CHMP1A: variants seen among roughly 807,000 people sequenced by gnomAD.
CHMP1A encodes charged multivesicular body protein 1A, also known as VPS46 homolog A.
Under a neutral mutation model 27.0 loss-of-function variants are expected in CHMP1A, and 17 were observed. That is an observed-to-expected ratio of 0.63 (90% CI 0.43 to 0.95). The LOEUF is 0.95. Among genes scored for constraint, CHMP1A ranks in the 40% least tolerant of loss-of-function variants. The pLI is 0.00. For missense variants in CHMP1A, 275 were observed against 264.0 expected (o/e 1.04, Z -0.29); for synonymous variants, 131 against 107.5 (o/e 1.22, Z -1.35).
intron 4 of CHMP1A, 111 bp from the exon 5 acceptor site, chr16:89,647,442 A>G: frequency 1.0e-6 from 1 of 961,796 alleles, no homozygotes; most frequent in Non-Finnish European, 1.5e-6. Context: ...CCCAACCCTG[A>G]CCCACAAAAC....
chr16:89,645,600 AC>A lies in CHMP1A; in HGVS notation c.*465del. On this transcript the variant is annotated 3_prime_UTR_variant, in exon 7 of 7. Transcript: ENST00000397901. ...TGGGTGGCACCTGACATCCCCCAGCACACATAGACCTGTGGTGCCTCCTTGG... is the reference window on the plus strand; with the variant it reads ...TGGGTGGCACCTGACATCCCCCAGCAACATAGACCTGTGGTGCCTCCTTGG... 5 of 253,296 alleles carry A rather than the reference AC, an allele frequency of 2.0e-5. No homozygotes were observed. Among genetic ancestry groups the A allele is most frequent in the South Asian group, 3.8e-5 (1 of 26,640 alleles). 15.7% of individuals were successfully genotyped at this position (253,296 alleles called of 1,614,324 possible).
intron 3 of CHMP1A, among the ~76,000 whole-genome samples, chr16:89,651,037 C>T (rs2059819669): frequency 6.6e-6 from 1 of 152,078 alleles, no homozygotes; most frequent in Non-Finnish European, 1.5e-5. Context: ...TTCCTGAGTG[C>T]CTGTTTGTCT....
intron 3 of CHMP1A, among the ~76,000 whole-genome samples, chr16:89,650,604 G>C (rs1055517303): frequency 6.6e-6 from 1 of 152,192 alleles, no homozygotes; most frequent in African/African-American, 2.4e-5. Flanking sequence ...TCAGGAGTTT[G>C]ACACCAGCCT....
In CHMP1A at chr16:89,654,065, G is replaced by GC. The variant is rs59326830; in HGVS notation, c.8-143dup. The GC allele has an allele frequency of 2.0e-3, 1,754 of 869,648 alleles. 13 individuals are homozygous for GC. The highest frequency in any genetic ancestry group is 0.017 in the African/African-American group (1,019 of 60,166). The allele number at this position is 869,648 out of a possible 1,614,324, so 53.9% of individuals were successfully genotyped here. ...CACACCTGCCTGGGGCCTTCGGGGA[G>GC]CCCCCCCCAACAGGGGAGGCACGAG... On this transcript the variant is annotated intron_variant, in intron 1 of 6. Transcript: ENST00000397901.
chr16:89,649,929 C>T (rs2059811434), intron 3 of CHMP1A, among the ~76,000 whole-genome samples: 1 of 152,130 alleles, frequency 6.6e-6, no homozygotes, highest in African/African-American at 2.4e-5. Flanking sequence ...AATGTTTGAG[C>T]TAAAAATGCA....
rs746019338 is a variant in CHMP1A at position 89,645,924 on chromosome 16, G to A, written c.*142C>T. 30 of 1,609,692 alleles carry A rather than the reference G, an allele frequency of 1.9e-5. No individual in the cohort carries two copies. The South Asian group carries it at 3.0e-4, about 16-fold the overall frequency. On this transcript the variant is annotated 3_prime_UTR_variant, in exon 7 of 7. Coordinates refer to ENST00000397901, the MANE Select transcript of CHMP1A (RefSeq NM_002768.5). ...AGAACAGGAACAACCCTAAGGCCACGCAGGCCTGGCAGGTGAGAGACGCAG... is the reference window on the plus strand; with the variant it reads ...AGAACAGGAACAACCCTAAGGCCACACAGGCCTGGCAGGTGAGAGACGCAG...
At chr16:89,648,740 A>G (rs1471181507) in intron 4 of CHMP1A, among the ~76,000 whole-genome samples, 112 of 107,626 alleles carry the variant, frequency 1.0e-3, no homozygotes, top group Non-Finnish European at 2.0e-3. Flanking sequence ...AAATGAAAAA[A>G]ATCAGCTGGG....
intron 2 of CHMP1A, among the ~76,000 whole-genome samples, chr16:89,653,461 ATG>A (rs2059840575): frequency 6.6e-6 from 1 of 150,502 alleles, no homozygotes. Flanking sequence ...TCTATTAAAA[ATG>A]TAAAAAAAAA....
chr16:89,656,748 G>T (rs114069409), intron 1 of CHMP1A, among the ~76,000 whole-genome samples: 64 of 152,318 alleles, frequency 4.2e-4, no homozygotes, highest in African/African-American at 1.5e-3. Flanking sequence ...TTTGGGGCAG[G>T]GGGTGCAACT....
rs892336547 is a variant in CHMP1A at position 89,649,622 on chromosome 16, C to T, written c.106-125G>A. 4 of 1,187,670 alleles carry T rather than the reference C, an allele frequency of 3.4e-6. No individual in the cohort carries two copies. In the African/African-American group the frequency reaches 4.6e-5, roughly 14 times the overall value. The allele number at this position is 1,187,670 out of a possible 1,614,324, so 73.6% of individuals were successfully genotyped here. A position where few individuals can be genotyped will look rare whatever the true frequency, so the allele number is the denominator to read the frequency against. ...ACGGAGTCTTGCTCTGTTGCCCAGG[C>T]TGGAGTGCAGTGGCACGATCTCGAC... is the stretch of plus-strand genomic sequence containing the variant. On this transcript the variant is annotated intron_variant, in intron 3 of 6. Transcript: ENST00000397901.
chr16:89,651,573 T>A lies in CHMP1A; in HGVS notation c.101A>T (p.Lys34Met). The change falls in exon 3 of 7, where the codon AAG (lysine) becomes ATG (methionine). Residue 34 changes from lysine to methionine, a missense_variant. By Grantham distance (95) the Lys-to-Met change is moderately conservative. Coordinates refer to ENST00000397901, the MANE Select transcript of CHMP1A (RefSeq NM_002768.5). ...KDSKAEQAKVKKALLQKNVEC... is the reference protein window; with the variant it reads ...KDSKAEQAKVMKALLQKNVEC... ...CCACAGCCCCCAGGGTCTCACCTTC[T>A]TCACTTTGGCCTGCTCCGCCTTGGA... is the stretch of plus-strand genomic sequence containing the variant. The A allele has an allele frequency of 6.2e-7, 1 of 1,613,684 alleles. No homozygotes were observed. Among genetic ancestry groups the A allele is most frequent in the Non-Finnish European group, 8.5e-7 (1 of 1,179,736 alleles).
At chr16:89,656,372 T>C (rs949707111) in intron 1 of CHMP1A, among the ~76,000 whole-genome samples, 7 of 150,774 alleles carry the variant, frequency 4.6e-5, no homozygotes, top group Admixed American at 3.3e-4. Context: ...CTCCTGACCT[T>C]GCGATCCGCC....
rs1423690757 is a variant in CHMP1A, at chr16:89,645,906, G to A, written c.*160C>T. 4.4e-6 allele frequency: 7 copies of A among 1,603,982 alleles called. No individual in the cohort carries two copies. The South Asian group carries it at 7.8e-5, about 18-fold the overall frequency. On this transcript the variant is annotated 3_prime_UTR_variant, in exon 7 of 7. Coordinates refer to ENST00000397901, the MANE Select transcript of CHMP1A (RefSeq NM_002768.5). ...CCCACCGCCCAACCTAAAAGAACAG[G>A]AACAACCCTAAGGCCACGCAGGCCT...
In CHMP1A at chr16:89,645,789, T is replaced by C; in HGVS notation, c.*277A>G. 1.1e-6 allele frequency: 1 copy of C among 897,940 alleles called. No homozygotes were observed. Among genetic ancestry groups the C allele is most frequent in the Non-Finnish European group, 1.6e-6 (1 of 622,510 alleles). 55.6% of individuals were successfully genotyped at this position (897,940 alleles called of 1,614,324 possible). A position where few individuals can be genotyped will look rare whatever the true frequency, so the allele number is the denominator to read the frequency against. ...AGGCCCCCACAGTGCTGGGTGAAAGTCCACAGGGCCCCTCTTGGCCTCCCC... is the reference window on the plus strand; with the variant it reads ...AGGCCCCCACAGTGCTGGGTGAAAGCCCACAGGGCCCCTCTTGGCCTCCCC... On this transcript the variant is annotated 3_prime_UTR_variant, in exon 7 of 7. Transcript: ENST00000397901.
chr16:89,650,039 A>G (rs1164540488), intron 3 of CHMP1A, among the ~76,000 whole-genome samples: 1 of 152,084 alleles, frequency 6.6e-6, no homozygotes, highest in South Asian at 2.1e-4. Context: ...TGACACTCAG[A>G]GCCTGTGGCA....
intron 3 of CHMP1A, 67 bp from the exon 4 acceptor site, chr16:89,649,564 GTTTTTGT>G (rs2059808098): frequency 6.3e-7 from 1 of 1,583,062 alleles, no homozygotes; most frequent in African/African-American, 1.4e-5. Context: ...TAGGAGCCCA[GTTTTTGT>G]TTTGTTTTGT....
At position 89,644,502 on chromosome 16, in the gene CHMP1A, A is replaced by G. The variant is rs1216236330; in HGVS notation, c.*1564T>C. On this transcript the variant is annotated 3_prime_UTR_variant, in exon 7 of 7. Coordinates refer to ENST00000397901, the MANE Select transcript of CHMP1A (RefSeq NM_002768.5). ...GAAAGGTGAATGGGCCCCTCTCCTC[A>G]GTGCCCAAGGGGACAGGACTGAGGC... 1 of 152,242 alleles carries G rather than the reference A, an allele frequency of 6.6e-6. No homozygotes were observed. Among genetic ancestry groups the G allele is most frequent in the Non-Finnish European group, 1.5e-5 (1 of 68,058 alleles). 9.4% of individuals were successfully genotyped at this position (152,242 alleles called of 1,614,324 possible).
chr16:89,651,553 G>A lies in CHMP1A; in HGVS notation c.105+16C>T, dbSNP rs766851415. 6.2e-7 allele frequency: 1 copy of A among 1,612,158 alleles called. No individual in the cohort carries two copies. The highest frequency in any genetic ancestry group is 1.1e-5 in the South Asian group (1 of 91,014). On this transcript the variant is annotated intron_variant, in intron 3 of 6. Coordinates refer to ENST00000397901, the MANE Select transcript of CHMP1A (RefSeq NM_002768.5). ...AAACCAGGAGAGTCATGACCCCACA[G>A]CCCCCAGGGTCTCACCTTCTTCACT... is the stretch of plus-strand genomic sequence containing the variant.
chr16:89,649,565 T>TTTTTGTTTTG (rs375799961), intron 3 of CHMP1A, 68 bp from the exon 4 acceptor site: 3 of 1,582,352 alleles, frequency 1.9e-6, no homozygotes, highest in Non-Finnish European at 1.7e-6. Flanking sequence ...AGGAGCCCAG[T>TTTTTGTTTTG]TTTTGTTTTG....
Sources: allele counts gnomAD v4.1 joint callset (sites outside exome capture counted in the v4.1 genomes callset), GRCh38; gene constraint gnomAD v4.1.1; transcripts MANE v1.5; gene names NCBI Gene and HGNC (gene_info 2026-07-23, HGNC 2026-07-21).